Variants in CCND1 observed in about 807,000 individuals in gnomAD.
CCND1 encodes the protein G1/S-specific cyclin-D1.
CCND1 carries 9 observed loss-of-function variants against 26.1 expected under a neutral mutation model. That is an observed-to-expected ratio of 0.35 (90% confidence interval 0.21 to 0.60). CCND1 has a LOEUF of 0.60. Ranked by LOEUF, CCND1 falls within the 20% of genes least tolerant of loss-of-function variation. The pLI is 0.79. For missense variants in CCND1, 335 were observed against 392.9 expected, an observed-to-expected ratio of 0.85 and a Z score of 1.25; for synonymous variants, 194 against 166.1, an observed-to-expected ratio of 1.17 and a Z score of -1.29.
chr11:69,641,574 C>T, intron 1 of CCND1, 63 bp downstream of exon 1: 3 of 1,472,446 alleles, frequency 2.0e-6, no homozygotes, highest in African/African-American at 1.4e-5. Flanking sequence ...ACCCACGTTT[C>T]TTTGCTACTC....
chr11:69,642,308 G>A (rs1855716809), intron 1 of CCND1, among the ~76,000 whole-genome samples: 1 of 152,214 alleles, frequency 6.6e-6, no homozygotes, highest in South Asian at 2.1e-4. Context: ...CGAGCCGGGG[G>A]CCTGGGAGCA....
chr11:69,642,965 G>A (rs976889014), intron 1 of CCND1, 66 bp from the exon 2 acceptor site: 19 of 1,258,626 alleles, frequency 1.5e-5, no homozygotes, highest in Non-Finnish European at 1.9e-5. Context: ...GCGATGGGGG[G>A]TGCGGGGGCG....
At position 69,651,819 on chromosome 11, in the gene CCND1, G is replaced by C. The variant is rs991490308; in HGVS notation, c.*537G>C. 8.6e-6 allele frequency: 2 copies of C among 233,212 alleles called. No individual in the cohort carries two copies. The highest frequency in any genetic ancestry group is 1.1e-4 in the Admixed American group (2 of 17,780). 14.4% of individuals were successfully genotyped at this position (233,212 alleles called of 1,614,324 possible). On this transcript the variant is annotated 3_prime_UTR_variant, in exon 5 of 5. Transcript: ENST00000227507. ...TTTCCTGATAAAGCACAGCTGTAGT[G>C]GGGTTCTAGGCATCTCTGTACTTTG... is the stretch of plus-strand genomic sequence containing the variant.
In CCND1 at chr11:69,646,129, C is replaced by CG. The variant is rs554858553; in HGVS notation, c.575-1858dup. Among the ~76,000 whole-genome samples the CG allele has an allele frequency of 1.1e-3, 170 of 152,186 alleles. 1 individual carries two copies. Among genetic ancestry groups the CG allele is most frequent in the Middle Eastern group, 3.4e-3 (1 of 294 alleles). On this transcript the variant is annotated intron_variant, in intron 3 of 4. Coordinates refer to ENST00000227507, the MANE Select transcript of CCND1 (RefSeq NM_053056.3). ...TCCACGCTGTGTGTGCCCCTGGAGACGGGGGGGTGCACAAGGTGCGGAGCC... is the reference window on the plus strand; with the variant it reads ...TCCACGCTGTGTGTGCCCCTGGAGACGGGGGGGGTGCACAAGGTGCGGAGCC...
chr11:69,652,950 T>C lies in CCND1; in HGVS notation c.*1668T>C, dbSNP rs886488437. On this transcript the variant is annotated 3_prime_UTR_variant, in exon 5 of 5. Coordinates refer to ENST00000227507, the MANE Select transcript of CCND1 (RefSeq NM_053056.3). ...TTTGGCGTTTCCCAGAGTCATCTGATTGGACAGGCATGGGTGCAAGGAAAA... is the reference window on the plus strand; with the variant it reads ...TTTGGCGTTTCCCAGAGTCATCTGACTGGACAGGCATGGGTGCAAGGAAAA... 1.9e-5 allele frequency: 6 copies of C among 308,738 alleles called. No homozygotes were observed. In the Admixed American group the frequency reaches 3.0e-4, roughly 15 times the overall value. The allele number at this position is 308,738 out of a possible 1,614,324, so 19.1% of individuals were successfully genotyped here.
At chr11:69,643,523 C>T (rs577802246) in intron 2 of CCND1, among the ~76,000 whole-genome samples, 1 of 152,342 alleles carries the variant, frequency 6.6e-6, no homozygotes, top group South Asian at 2.1e-4. Context: ...AGCGGCTGCA[C>T]GAGGAGCGCC....
At chr11:69,649,085 C>T (rs998524960) in intron 4 of CCND1, among the ~76,000 whole-genome samples, 1 of 152,208 alleles carries the variant, frequency 6.6e-6, no homozygotes, top group Non-Finnish European at 1.5e-5. Flanking sequence ...CTCCCTTGCA[C>T]CCTGCCCCGT....
chr11:69,642,933 A>G, intron 1 of CCND1, 98 bp from the exon 2 acceptor site: 2 of 847,172 alleles, frequency 2.4e-6, no homozygotes, highest in Non-Finnish European at 3.3e-6. Context: ...GGCGCCCTCC[A>G]GACCTGGCGG....
chr11:69,644,967 A>G (rs1312684072), intron 3 of CCND1, among the ~76,000 whole-genome samples: 1 of 152,148 alleles, frequency 6.6e-6, no homozygotes, highest in Admixed American at 6.5e-5. Context: ...CCCTCCCCAG[A>G]GGGCAGAGCC....
At chr11:69,645,613 C>T (rs1482378245) in intron 3 of CCND1, among the ~76,000 whole-genome samples, 1 of 152,180 alleles carries the variant, frequency 6.6e-6, no homozygotes, top group Non-Finnish European at 1.5e-5. Flanking sequence ...GGTCCTGACC[C>T]GTGGCCACCC....
chr11:69,653,199 G>A lies in CCND1; in HGVS notation c.*1917G>A, dbSNP rs3212900. The A allele has an allele frequency of 9.3e-4, 636 of 685,616 alleles. 7 individuals are homozygous for A. The East Asian group carries it at 0.015, about 16-fold the overall frequency. 42.5% of individuals were successfully genotyped at this position (685,616 alleles called of 1,614,324 possible). On this transcript the variant is annotated 3_prime_UTR_variant, in exon 5 of 5. Coordinates refer to ENST00000227507, the MANE Select transcript of CCND1 (RefSeq NM_053056.3). The stretch of plus-strand genomic sequence containing the variant: ...GAGGAGGCTCCCGAGGGGAAGGGGC[G>A]GTGCCCACACCGGGGACAGGCCGCA...
intron 3 of CCND1, 80 bp from the exon 4 acceptor site, chr11:69,647,914 C>T (rs2120107918): frequency 6.5e-7 from 1 of 1,541,616 alleles, no homozygotes; most frequent in Non-Finnish European, 8.8e-7. Context: ...TCAGAGCCAG[C>T]ACACAGGGAT....
In CCND1 at chr11:69,653,260, C is replaced by G. The variant is rs1200863953; in HGVS notation, c.*1978C>G. ...CTTATTGCGCTGCTACCGTTGACTT[C>G]CAGGCACGGTTTGGAAATATTCACA... On this transcript the variant is annotated 3_prime_UTR_variant, in exon 5 of 5. Coordinates refer to ENST00000227507, the MANE Select transcript of CCND1 (RefSeq NM_053056.3). 7.1e-6 allele frequency: 5 copies of G among 702,110 alleles called. No individual in the cohort carries two copies. Among genetic ancestry groups the G allele is most frequent in the East Asian group, 2.7e-5 (1 of 37,280 alleles). 43.5% of individuals were successfully genotyped at this position (702,110 alleles called of 1,614,324 possible).
At chr11:69,643,600 TTCACGCG>T (rs1475113058) in intron 2 of CCND1, 1 of 483,512 alleles carries the variant, frequency 2.1e-6, no homozygotes, top group African/African-American at 2.0e-5. Context: ...GCAGAGTCTT[TTCACGCG>T]GCGGGCGCCT....
chr11:69,653,220 C>T lies in CCND1; in HGVS notation c.*1938C>T. 1 of 699,334 alleles carries T rather than the reference C, an allele frequency of 1.4e-6. No homozygotes were observed. Among genetic ancestry groups the T allele is most frequent in the South Asian group, 1.5e-5 (1 of 66,838 alleles). 43.3% of individuals were successfully genotyped at this position (699,334 alleles called of 1,614,324 possible). ...GGGCGGTGCCCACACCGGGGACAGG[C>T]CGCAGCTCCATTTTCTTATTGCGCT... On this transcript the variant is annotated 3_prime_UTR_variant, in exon 5 of 5. Transcript: ENST00000227507.
In CCND1 at chr11:69,641,589, C is replaced by G; in HGVS notation, c.198+78C>G. On this transcript the variant is annotated intron_variant, in intron 1 of 4. Transcript: ENST00000227507. ...ACCCACGTTTCTTTGCTACTCACCC[C>G]CCTCCCTTCTCTCCCGCTAGAACTT... 3 of 1,339,548 alleles carry G rather than the reference C, an allele frequency of 2.2e-6. No homozygotes were observed. In the East Asian group the frequency reaches 7.0e-5, roughly 31 times the overall value. The allele number at this position is 1,339,548 out of a possible 1,614,324, so 83.0% of individuals were successfully genotyped here.
chr11:69,644,230 C>T (rs1315002148), intron 3 of CCND1: 2 of 553,216 alleles, frequency 3.6e-6, no homozygotes, highest in East Asian at 3.0e-5. Flanking sequence ...TTGGTGTGGA[C>T]GGCTCAGCCT....
In CCND1 at chr11:69,654,153, C is replaced by G. The variant is rs1431580946; in HGVS notation, c.*2871C>G. 1.4e-6 allele frequency: 1 copy of G among 698,900 alleles called. No homozygotes were observed. 43.3% of individuals were successfully genotyped at this position (698,900 alleles called of 1,614,324 possible). On this transcript the variant is annotated 3_prime_UTR_variant, in exon 5 of 5. Coordinates refer to ENST00000227507, the MANE Select transcript of CCND1 (RefSeq NM_053056.3). The surrounding 1 kb of genome is among the most constrained non-coding windows in gnomAD (Gnocchi z 6.3). Reference sequence around the variant, plus strand: ...CCACCCCTCCAGAACACGGCTCACGCTTACCTCAACCATCCTGGCTGCGGC... The same window carrying G: ...CCACCCCTCCAGAACACGGCTCACGGTTACCTCAACCATCCTGGCTGCGGC...
At chr11:69,643,008 T>G (rs1855729319) in intron 1 of CCND1, 23 bp from the exon 2 acceptor site, 1 of 1,507,478 alleles carries the variant, frequency 6.6e-7, no homozygotes, top group Non-Finnish European at 8.9e-7. Flanking sequence ...GCGGCGGCGG[T>G]CACGGGCCCC....
Sources: gnomAD v4.1 joint callset for allele counts (sites outside exome capture counted in the v4.1 genomes callset) on GRCh38, gnomAD v4.1.1 for gene constraint, Gnocchi (gnomAD v3.1) non-coding constraint, MANE v1.5 for transcripts, NCBI Gene and HGNC (gene_info 2026-07-23, HGNC 2026-07-21) for gene names.